SHC4: variants seen among roughly 807,000 people sequenced by gnomAD.
SHC4 encodes SHC adaptor protein 4.
In SHC4, 41 loss-of-function variants were observed where a neutral mutation model predicts 69.4. That is an observed-to-expected ratio of 0.59 (90% CI 0.46 to 0.77). SHC4 has a LOEUF of 0.77. Ranked by LOEUF, SHC4 falls within the 30% of genes least tolerant of loss-of-function variation. SHC4 has a pLI of 0.00. For missense variants in SHC4, 777 were observed against 783.8 expected, an observed-to-expected ratio of 0.99 and a Z score of 0.10; for synonymous variants, 318 against 299.3, an observed-to-expected ratio of 1.06 and a Z score of -0.64.
intron 2 of SHC4, among the ~76,000 whole-genome samples, chr15:48,916,050 T>C (rs1042471249): frequency 6.6e-6 from 1 of 152,196 alleles, no homozygotes; most frequent in African/African-American, 2.4e-5. Context: ...CTCTCACTTA[T>C]CCATGCATTG....
chr15:48,915,861 T>A (rs563008376), intron 2 of SHC4, among the ~76,000 whole-genome samples: 1 of 152,280 alleles, frequency 6.6e-6, no homozygotes, highest in East Asian at 1.9e-4. Flanking sequence ...CTCAGTAAAT[T>A]TTTTCACTGG....
chr15:48,961,049 C>T (rs940239496), intron 1 of SHC4, among the ~76,000 whole-genome samples: 2 of 152,202 alleles, frequency 1.3e-5, no homozygotes, highest in Non-Finnish European at 2.9e-5. Flanking sequence ...TGAGGCTTCT[C>T]TCATTCTTCT....
intron 1 of SHC4, among the ~76,000 whole-genome samples, chr15:48,955,563 C>T (rs1042302671): frequency 4.6e-5 from 7 of 152,158 alleles, no homozygotes; most frequent in African/African-American, 1.7e-4. Flanking sequence ...GTAACAAGTC[C>T]TGGCCCAACA....
intron 9 of SHC4, among the ~76,000 whole-genome samples, chr15:48,850,113 G>T (rs1899179350): frequency 6.6e-6 from 1 of 152,206 alleles, no homozygotes; most frequent in Non-Finnish European, 1.5e-5. Context: ...TGAGGCAGGA[G>T]AATCGCTTGA....
At chr15:48,920,245 T>G (rs1900725838) in intron 2 of SHC4, among the ~76,000 whole-genome samples, 1 of 151,682 alleles carries the variant, frequency 6.6e-6, no homozygotes, top group Admixed American at 6.6e-5. Flanking sequence ...ATGGTCTCGA[T>G]CTCCTGACCT....
intron 4 of SHC4, chr15:48,877,521 T>TA: frequency 1.0e-6 from 1 of 983,942 alleles, no homozygotes; most frequent in Non-Finnish European, 1.2e-6. Flanking sequence ...TGTCAATACA[T>TA]AAAGATACAT....
At chr15:48,837,427 AATC>A (rs1449389391) in intron 10 of SHC4, among the ~76,000 whole-genome samples, 3 of 152,202 alleles carry the variant, frequency 2.0e-5, no homozygotes, top group African/African-American at 7.2e-5. Context: ...AAATAAAATT[AATC>A]ACCTATGGTC....
chr15:48,935,617 G>A (rs1377366584), intron 1 of SHC4, among the ~76,000 whole-genome samples: 1 of 152,144 alleles, frequency 6.6e-6, no homozygotes. Context: ...CTTGTGCCAG[G>A]TTTGAGCTGG....
At chr15:48,884,137 G>T in intron 4 of SHC4, 111 bp downstream of exon 4, 1 of 1,157,132 alleles carries the variant, frequency 8.6e-7, no homozygotes. Context: ...TTTCCCTTGT[G>T]CTGTATTAGG....
chr15:48,960,032 C>T (rs1418181121), intron 1 of SHC4, among the ~76,000 whole-genome samples: 1 of 152,210 alleles, frequency 6.6e-6, no homozygotes, highest in African/African-American at 2.4e-5. Flanking sequence ...AGTTCTTTCA[C>T]GTATTTTGAC....
At chr15:48,900,929 C>A (rs1425551954) in intron 2 of SHC4, among the ~76,000 whole-genome samples, 4 of 152,102 alleles carry the variant, frequency 2.6e-5, no homozygotes, top group Non-Finnish European at 5.9e-5. Context: ...TGAAAAGGGC[C>A]AGGTAGGAAA....
intron 2 of SHC4, among the ~76,000 whole-genome samples, chr15:48,895,438 T>C (rs1257284829): frequency 1.3e-5 from 2 of 152,044 alleles, no homozygotes; most frequent in East Asian, 2.0e-4. Flanking sequence ...TCCCCTAACA[T>C]AGTGAGGCGC....
intron 11 of SHC4, among the ~76,000 whole-genome samples, chr15:48,830,311 A>G (rs965512803): frequency 6.6e-5 from 10 of 152,220 alleles, no homozygotes; most frequent in African/African-American, 2.4e-4. Flanking sequence ...CAAATACTCT[A>G]CACTGTTATT....
chr15:48,934,161 G>C (rs191253002), intron 1 of SHC4, among the ~76,000 whole-genome samples: 4 of 152,210 alleles, frequency 2.6e-5, no homozygotes, highest in East Asian at 3.9e-4. Context: ...CAGAGAATGG[G>C]AGAAAATATT....
intron 2 of SHC4, among the ~76,000 whole-genome samples, chr15:48,909,966 GT>G (rs1900478109): frequency 6.6e-6 from 1 of 152,066 alleles, no homozygotes; most frequent in Admixed American, 6.5e-5. Context: ...CTAGTATTTT[GT>G]TAAGGAGTTC....
chr15:48,914,592 T>C (rs1182652230), intron 2 of SHC4, among the ~76,000 whole-genome samples: 2 of 152,234 alleles, frequency 1.3e-5, no homozygotes, highest in African/African-American at 4.8e-5. Flanking sequence ...TTCTCTTTGC[T>C]GTATGACATG....
At chr15:48,828,380 T>C (rs948659880) in intron 11 of SHC4, among the ~76,000 whole-genome samples, 3 of 152,194 alleles carry the variant, frequency 2.0e-5, no homozygotes, top group East Asian at 3.8e-4. Flanking sequence ...ATGGATATTA[T>C]CATATTTCCT....
At chr15:48,851,323 T>C in intron 8 of SHC4, 75 bp from the exon 9 acceptor site, 1 of 1,416,462 alleles carries the variant, frequency 7.1e-7, no homozygotes, top group South Asian at 1.2e-5. Context: ...AAATTTATAA[T>C]AATCCCAGAA....
In SHC4 at chr15:48,924,860, C is replaced by T. The variant is rs1900820230; in HGVS notation, c.656+19G>A. On this transcript the variant is annotated intron_variant, in intron 2 of 11. Coordinates refer to ENST00000332408, the MANE Select transcript of SHC4 (RefSeq NM_203349.4). Reference sequence around the variant, plus strand: ...TTAAACCATACTCCTCAAAGCCCCTCCCATTTTTGGCTTCTTACCTTGTAA... The same window carrying T: ...TTAAACCATACTCCTCAAAGCCCCTTCCATTTTTGGCTTCTTACCTTGTAA... 21 of 1,613,342 alleles carry T rather than the reference C, an allele frequency of 1.3e-5. No homozygotes were observed. The highest frequency in any genetic ancestry group is 1.5e-5 in the Non-Finnish European group (18 of 1,179,386).
Sources: gnomAD v4.1 joint callset for allele counts (sites outside exome capture counted in the v4.1 genomes callset) on GRCh38, gnomAD v4.1.1 for gene constraint, MANE v1.5 for transcripts, NCBI Gene and HGNC (gene_info 2026-07-23, HGNC 2026-07-21) for gene names.